The following CLOCK variants were observed in gnomAD, a reference collection of about 807,000 sequenced individuals.
CLOCK encodes the protein clock circadian regulator, also known as circadian locomoter output cycles protein kaput.
Under a neutral mutation model 118.4 loss-of-function variants are expected in CLOCK, and 43 were observed. The observed-to-expected ratio is 0.36, with a 90% CI of 0.28 to 0.47. The LOEUF (loss-of-function observed/expected upper bound fraction) is 0.47. CLOCK is among the 20% of genes least tolerant of loss of function. CLOCK has a pLI of 1.00. For synonymous variants in CLOCK, 326 were observed against 339.2 expected, an observed-to-expected ratio of 0.96 and a Z score of 0.43; for missense variants, 846 against 999.9, an observed-to-expected ratio of 0.85 and a Z score of 2.08.
intron 1 of CLOCK, among the ~76,000 whole-genome samples, chr4:55,533,268 T>G (rs922505286): frequency 6.6e-6 from 1 of 152,158 alleles, no homozygotes; most frequent in Non-Finnish European, 1.5e-5. Flanking sequence ...GGTACTGACA[T>G]AAATACAGAG....
chr4:55,467,477 G>C (rs543719843), intron 8 of CLOCK, among the ~76,000 whole-genome samples: 5 of 152,150 alleles, frequency 3.3e-5, no homozygotes, highest in Non-Finnish European at 5.9e-5. Context: ...GAGATGAAGG[G>C]CATCGAATTT....
At chr4:55,523,475 G>T (rs966846262) in intron 1 of CLOCK, among the ~76,000 whole-genome samples, 7 of 142,778 alleles carry the variant, frequency 4.9e-5, no homozygotes, top group African/African-American at 1.7e-4. Flanking sequence ...TTATTTATAC[G>T]AGAATAAAGG....
At chr4:55,516,407 A>G (rs113081535) in intron 1 of CLOCK, among the ~76,000 whole-genome samples, 7 of 152,314 alleles carry the variant, frequency 4.6e-5, no homozygotes, top group East Asian at 1.9e-4. Context: ...TAGGACTACT[A>G]TATCTTCTTG....
At position 55,482,806 on chromosome 4, in the gene CLOCK, T is replaced by C. The variant is rs746643571; in HGVS notation, c.-21A>G. On this transcript the variant is annotated 5_prime_UTR_variant, in exon 4 of 23. Coordinates refer to ENST00000513440, the MANE Select transcript of CLOCK (RefSeq NM_004898.4). ...AACATAACATACTACGTTTTCGTCT[T>C]GTAGTAGACATTTGTACTTCTCCTT... The C allele has an allele frequency of 9.4e-6, 15 of 1,592,274 alleles. No individual in the cohort carries two copies. The highest frequency in any genetic ancestry group is 1.2e-5 in the Non-Finnish European group (14 of 1,163,438).
intron 1 of CLOCK, among the ~76,000 whole-genome samples, chr4:55,522,373 G>T (rs1729896353): frequency 6.6e-6 from 1 of 151,486 alleles, no homozygotes. Flanking sequence ...ATAAACAAAT[G>T]AAAAGACAAA....
intron 1 of CLOCK, among the ~76,000 whole-genome samples, chr4:55,545,069 T>A (rs1731521414): frequency 1.3e-5 from 2 of 151,976 alleles, no homozygotes; most frequent in Admixed American, 1.3e-4. Flanking sequence ...TTTTTTTACT[T>A]TTTTTATTAT....
chr4:55,543,777 CAA>C (rs1039744749), intron 1 of CLOCK, among the ~76,000 whole-genome samples: 7 of 113,786 alleles, frequency 6.2e-5, no homozygotes, highest in Non-Finnish European at 3.7e-5. Context: ...ACTCCGTCTC[CAA>C]AAAAAAAAAA....
At chr4:55,460,327 T>C (rs1311609286) in intron 9 of CLOCK, among the ~76,000 whole-genome samples, 2 of 152,338 alleles carry the variant, frequency 1.3e-5, no homozygotes, top group African/African-American at 4.8e-5. Flanking sequence ...TCTCCAACTC[T>C]AGCATTTTAC....
Position 55,542,374 on chromosome 4 carries a change from TAA to T in CLOCK, c.-290+4406_-290+4407del, listed in dbSNP as rs1731333648. 1.0e-3 allele frequency among the ~76,000 whole-genome samples: 23 copies of T among 23,092 alleles called. No homozygotes were observed. In the South Asian group the frequency reaches 0.011, roughly 11 times the overall value. The allele number at this position is 23,092 out of a possible 152,430, so 15.1% of individuals were successfully genotyped here. ...ATAATAATAATAATAATAATAATAATAATAATATTATTATTATTATTATTATT... is the reference window on the plus strand; with the variant it reads ...ATAATAATAATAATAATAATAATAATTAATATTATTATTATTATTATTATT... On this transcript the variant is annotated intron_variant, in intron 1 of 22. Transcript: ENST00000513440.
intron 1 of CLOCK, among the ~76,000 whole-genome samples, chr4:55,528,148 A>G (rs986941739): frequency 7.9e-5 from 12 of 152,238 alleles, no homozygotes; most frequent in East Asian, 1.9e-4. Flanking sequence ...GGAGTTCAAG[A>G]CCAGCCTGAC....
At position 55,479,107 on chromosome 4, in the gene CLOCK, G is replaced by C. The variant is rs1726740209; in HGVS notation, c.108-144C>G. ...ATATCTTCCAGGTTACCAATATACA[G>C]TTAATTTGGGCAATAATTTTTCAGC... is the stretch of plus-strand genomic sequence containing the variant. On this transcript the variant is annotated intron_variant, in intron 5 of 22. Coordinates refer to ENST00000513440, the MANE Select transcript of CLOCK (RefSeq NM_004898.4). 9 of 617,150 alleles carry C rather than the reference G, an allele frequency of 1.5e-5. No individual in the cohort carries two copies. In the South Asian group the frequency reaches 2.8e-4, roughly 19 times the overall value. 38.2% of individuals were successfully genotyped at this position (617,150 alleles called of 1,614,324 possible).
At chr4:55,522,998 A>G (rs1729940317) in intron 1 of CLOCK, among the ~76,000 whole-genome samples, 1 of 152,190 alleles carries the variant, frequency 6.6e-6, no homozygotes, top group Admixed American at 6.6e-5. Flanking sequence ...ATTGTTTAGC[A>G]TAAGACAAAC....
At chr4:55,524,028 A>T (rs895246228) in intron 1 of CLOCK, among the ~76,000 whole-genome samples, 1 of 152,190 alleles carries the variant, frequency 6.6e-6, no homozygotes, top group Non-Finnish European at 1.5e-5. Context: ...TTTGGCATGC[A>T]GACACCATAA....
intron 22 of CLOCK, among the ~76,000 whole-genome samples, chr4:55,436,502 A>G (rs980543638): frequency 1.3e-5 from 2 of 152,232 alleles, no homozygotes; most frequent in Non-Finnish European, 2.9e-5. Context: ...TTTTACAATG[A>G]AAGTCCTTTC....
intron 21 of CLOCK, among the ~76,000 whole-genome samples, 182 bp from the exon 22 acceptor site, chr4:55,438,719 A>C (rs191159812): frequency 7.1e-4 from 108 of 152,348 alleles, no homozygotes; most frequent in Middle Eastern, 3.4e-3. Context: ...CAGTAAAACA[A>C]AAAATTCATA....
At chr4:55,538,366 T>C (rs952691455) in intron 1 of CLOCK, among the ~76,000 whole-genome samples, 1 of 152,156 alleles carries the variant, frequency 6.6e-6, no homozygotes, top group Non-Finnish European at 1.5e-5. Context: ...CTATAATTAG[T>C]ATGTTCAAGA....
At chr4:55,494,991 T>C (rs910162976) in intron 2 of CLOCK, among the ~76,000 whole-genome samples, 17 of 152,188 alleles carry the variant, frequency 1.1e-4, no homozygotes, top group African/African-American at 4.1e-4. Context: ...AACAGAAAAC[T>C]ATACAGAATC....
chr4:55,515,696 T>C (rs1399774215), intron 1 of CLOCK, among the ~76,000 whole-genome samples: 1 of 152,178 alleles, frequency 6.6e-6, no homozygotes, highest in Non-Finnish European at 1.5e-5. Context: ...GCTCTAATTT[T>C]TATTGTTTCC....
chr4:55,452,885 TGAGACTCTAAAATATTAAATTAAAA>T (rs1724590623), intron 15 of CLOCK, 144 bp downstream of exon 15: 1 of 527,132 alleles, frequency 1.9e-6, no homozygotes, highest in Admixed American at 3.3e-5. Context: ...TAGAGGCAGG[TGAGACTCTAAAATATTAAATTAAAA>T]ATAAGTAGTA....
Sources: gnomAD v4.1 joint callset for allele counts (sites outside exome capture counted in the v4.1 genomes callset) on GRCh38, gnomAD v4.1.1 for gene constraint, MANE v1.5 for transcripts, NCBI Gene and HGNC (gene_info 2026-07-23, HGNC 2026-07-21) for gene names.